ST6GALNAC3: variants seen among roughly 807,000 people sequenced by gnomAD.
ST6GALNAC3 encodes alpha-N-acetylgalactosaminide alpha-2,6-sialyltransferase 3.
Under a neutral mutation model 32.7 loss-of-function variants are expected in ST6GALNAC3, and 25 were observed. That is an observed-to-expected ratio of 0.76 (90% confidence interval 0.56 to 1.07). The LOEUF is 1.07. ST6GALNAC3 is among the 50% of genes least tolerant of loss of function. The pLI is 0.00. For synonymous variants in ST6GALNAC3, 129 were observed against 133.1 expected (o/e 0.97, Z 0.21); for missense variants, 355 against 382.4 (o/e 0.93, Z 0.60).
chr1:76,384,632 G>A (rs1394187325), intron 2 of ST6GALNAC3, among the ~76,000 whole-genome samples: 1 of 151,604 alleles, frequency 6.6e-6, no homozygotes, highest in Admixed American at 6.6e-5. Context: ...ATCACATACT[G>A]GTCAATAATG....
intron 3 of ST6GALNAC3, among the ~76,000 whole-genome samples, chr1:76,457,677 C>G (rs1657934757): frequency 6.6e-6 from 1 of 151,940 alleles, no homozygotes; most frequent in Non-Finnish European, 1.5e-5. Context: ...AACTGGCTAG[C>G]CATATGTAGA....
intron 3 of ST6GALNAC3, among the ~76,000 whole-genome samples, chr1:76,605,354 CTTGA>C (rs1043813305): frequency 6.6e-6 from 1 of 152,054 alleles, no homozygotes; most frequent in Non-Finnish European, 1.5e-5. Flanking sequence ...TACAGAAAGT[CTTGA>C]TTATCATAAG....
intron 3 of ST6GALNAC3, among the ~76,000 whole-genome samples, chr1:76,577,730 ATC>A (rs1358729273): frequency 6.6e-6 from 1 of 152,006 alleles, no homozygotes; most frequent in Non-Finnish European, 1.5e-5. Flanking sequence ...CCTCTGTGTA[ATC>A]AGAGATTCCC....
intron 1 of ST6GALNAC3, among the ~76,000 whole-genome samples, chr1:76,133,799 A>T (rs1026925977): frequency 6.6e-6 from 1 of 152,194 alleles, no homozygotes; most frequent in Admixed American, 6.5e-5. Context: ...ACTTTTGCTC[A>T]CTGCATCTTC....
intron 3 of ST6GALNAC3, among the ~76,000 whole-genome samples, chr1:76,489,960 A>G (rs1490208129): frequency 6.6e-6 from 1 of 152,190 alleles, no homozygotes; most frequent in Non-Finnish European, 1.5e-5. Flanking sequence ...TGGAGGGCAC[A>G]TACCCTCGGT....
chr1:76,630,730 T>A lies in ST6GALNAC3; in HGVS notation c.*1924T>A. 2.0e-6 allele frequency: 2 copies of A among 985,680 alleles called. No individual in the cohort carries two copies. The highest frequency in any genetic ancestry group is 2.4e-6 in the Non-Finnish European group (2 of 829,858). 61.1% of individuals were successfully genotyped at this position (985,680 alleles called of 1,614,324 possible). A position where few individuals can be genotyped will look rare whatever the true frequency, so the allele number is the denominator to read the frequency against. On this transcript the variant is annotated 3_prime_UTR_variant, in exon 5 of 5. Transcript: ENST00000328299. ...ACCTCAATATTCACACCCATAAACATTACTAAGCCCCAGTTCTATCGTTGG... is the reference window on the plus strand; with the variant it reads ...ACCTCAATATTCACACCCATAAACAATACTAAGCCCCAGTTCTATCGTTGG...
chr1:76,498,714 T>TCGCAA (rs1661002860), intron 3 of ST6GALNAC3, among the ~76,000 whole-genome samples: 1 of 134,602 alleles, frequency 7.4e-6, no homozygotes, highest in Non-Finnish European at 1.7e-5. Flanking sequence ...CTCCTTTGAT[T>TCGCAA]CGCAACAAAG....
intron 1 of ST6GALNAC3, among the ~76,000 whole-genome samples, chr1:76,217,877 A>G (rs1195364990): frequency 6.6e-6 from 1 of 152,192 alleles, no homozygotes; most frequent in Admixed American, 6.5e-5. Context: ...GTAGTATTCT[A>G]TGGTATATAT....
At chr1:76,443,593 C>T (rs1656767115) in intron 3 of ST6GALNAC3, among the ~76,000 whole-genome samples, 1 of 152,194 alleles carries the variant, frequency 6.6e-6, no homozygotes, top group Non-Finnish European at 1.5e-5. Flanking sequence ...TCCTAAGCAT[C>T]TTCCTCCTTT....
Position 76,629,401 on chromosome 1 carries a change from T to A in ST6GALNAC3, c.*595T>A. On this transcript the variant is annotated 3_prime_UTR_variant, in exon 5 of 5. Transcript: ENST00000328299. ...GCCATTGCCTAATTAACAATGAAGA[T>A]TTCATGGACATCCTACACTTCAGGA... 1 of 985,574 alleles carries A rather than the reference T, an allele frequency of 1.0e-6. No individual in the cohort carries two copies. Among genetic ancestry groups the A allele is most frequent in the Non-Finnish European group, 1.2e-6 (1 of 829,824 alleles). The allele number at this position is 985,574 out of a possible 1,614,324, so 61.1% of individuals were successfully genotyped here.
intron 2 of ST6GALNAC3, among the ~76,000 whole-genome samples, chr1:76,357,753 A>G (rs1649602252): frequency 1.3e-5 from 2 of 152,176 alleles, no homozygotes; most frequent in Admixed American, 1.3e-4. Flanking sequence ...CACAGTGTTC[A>G]GCACAGATGA....
intron 3 of ST6GALNAC3, among the ~76,000 whole-genome samples, chr1:76,470,761 G>GAATA (rs1327000931): frequency 1.3e-5 from 2 of 152,054 alleles, no homozygotes; most frequent in Non-Finnish European, 2.9e-5. Flanking sequence ...GAGGCCAAGA[G>GAATA]AATACCTGGG....
chr1:76,185,294 C>T (rs751894460), intron 1 of ST6GALNAC3, among the ~76,000 whole-genome samples: 10 of 152,184 alleles, frequency 6.6e-5, no homozygotes, highest in East Asian at 1.9e-4. Flanking sequence ...GAGGAATCAG[C>T]GATGACCAAG....
At chr1:76,591,254 T>G (rs947787405) in intron 3 of ST6GALNAC3, among the ~76,000 whole-genome samples, 2 of 151,946 alleles carry the variant, frequency 1.3e-5, no homozygotes, top group African/African-American at 4.8e-5. Context: ...GCAAAGGGAA[T>G]AGCTGGCATA....
intron 2 of ST6GALNAC3, among the ~76,000 whole-genome samples, chr1:76,383,299 C>T (rs969245892): frequency 1.3e-5 from 2 of 152,050 alleles, no homozygotes; most frequent in African/African-American, 2.4e-5. Flanking sequence ...GAGACAGAGT[C>T]TTGCTCTGTC....
intron 1 of ST6GALNAC3, among the ~76,000 whole-genome samples, chr1:76,159,959 T>C (rs1651711654): frequency 1.3e-5 from 2 of 152,080 alleles, no homozygotes. Context: ...AATTGTAGAG[T>C]TAAGTTCCAG....
intron 1 of ST6GALNAC3, among the ~76,000 whole-genome samples, chr1:76,126,850 T>C (rs1204378691): frequency 1.3e-5 from 2 of 152,152 alleles, no homozygotes; most frequent in African/African-American, 2.4e-5. Flanking sequence ...TTTATTCAGT[T>C]AAAAAAGTCA....
intron 3 of ST6GALNAC3, among the ~76,000 whole-genome samples, chr1:76,559,519 G>A (rs565760202): frequency 2.6e-5 from 4 of 152,092 alleles, no homozygotes; most frequent in East Asian, 1.9e-4. Context: ...CAATAGATAC[G>A]TTAAACTTTG....
intron 1 of ST6GALNAC3, among the ~76,000 whole-genome samples, chr1:76,157,136 A>T (rs1651501682): frequency 6.7e-6 from 1 of 148,834 alleles, no homozygotes; most frequent in Non-Finnish European, 1.5e-5. Context: ...GCTGACAGCA[A>T]GAAAACATGT....
Sources: allele counts gnomAD v4.1 joint callset (sites outside exome capture counted in the v4.1 genomes callset), GRCh38; gene constraint gnomAD v4.1.1; transcripts MANE v1.5; gene names NCBI Gene and HGNC (gene_info 2026-07-23, HGNC 2026-07-21).